NUDCD3: variants seen among roughly 807,000 people sequenced by gnomAD.
The protein encoded by NUDCD3 is NudC domain containing 3.
In NUDCD3, 13 loss-of-function variants were observed where a neutral mutation model predicts 39.7. That is an observed-to-expected ratio of 0.33 (90% CI 0.21 to 0.52). The LOEUF is 0.52. Among genes scored for constraint, NUDCD3 ranks in the 20% least tolerant of loss-of-function variants. The probability of loss-of-function intolerance (pLI) is 0.96; values close to 1 mark genes in which losing one functional copy is unlikely to be tolerated. For synonymous variants in NUDCD3, 175 were observed against 172.4 expected (o/e 1.02, Z -0.12); for missense variants, 453 against 458.1 (o/e 0.99, Z 0.10).
chr7:44,449,430 G>C (rs1486363275), intron 2 of NUDCD3, among the ~76,000 whole-genome samples: 1 of 152,190 alleles, frequency 6.6e-6, no homozygotes, highest in South Asian at 2.1e-4. Flanking sequence ...TCAAACTGCT[G>C]ATGTCAGCTC....
chr7:44,390,146 T>C (rs1798485007), intron 5 of NUDCD3, among the ~76,000 whole-genome samples: 1 of 151,920 alleles, frequency 6.6e-6, no homozygotes, highest in Non-Finnish European at 1.5e-5. Context: ...AGGTGGATCA[T>C]CTGAGGTCAG....
intron 3 of NUDCD3, among the ~76,000 whole-genome samples, chr7:44,411,809 A>C (rs182316729): frequency 1.2e-3 from 177 of 152,374 alleles, no homozygotes; most frequent in African/African-American, 4.1e-3. Flanking sequence ...CCTAGTGGTG[A>C]AGACAGAAAA....
At chr7:44,448,641 A>G (rs1459603513) in intron 2 of NUDCD3, among the ~76,000 whole-genome samples, 1 of 152,112 alleles carries the variant, frequency 6.6e-6, no homozygotes, top group African/African-American at 2.4e-5. Flanking sequence ...AAGCTGAGTG[A>G]CACCTTCCTG....
At chr7:44,450,036 A>G (rs1251915581) in intron 2 of NUDCD3, among the ~76,000 whole-genome samples, 1 of 152,178 alleles carries the variant, frequency 6.6e-6, no homozygotes, top group African/African-American at 2.4e-5. Context: ...AATAATAAGA[A>G]AACAACCCAA....
At chr7:44,440,562 G>A (rs924827658) in intron 2 of NUDCD3, among the ~76,000 whole-genome samples, 4 of 130,656 alleles carry the variant, frequency 3.1e-5, no homozygotes, top group East Asian at 2.1e-4. Context: ...TTTTTTTTTC[G>A]ATTTTTCTGG....
chr7:44,419,390 C>A (rs576396212), intron 3 of NUDCD3, among the ~76,000 whole-genome samples: 4 of 152,180 alleles, frequency 2.6e-5, no homozygotes, highest in African/African-American at 9.7e-5. Flanking sequence ...GGAGAAGGGA[C>A]GGCTGTGGGC....
At chr7:44,400,124 G>A (rs1251557974) in intron 4 of NUDCD3, among the ~76,000 whole-genome samples, 1 of 152,236 alleles carries the variant, frequency 6.6e-6, no homozygotes, top group South Asian at 2.1e-4. Context: ...AGGATGGTGC[G>A]CATGCCAACT....
intron 2 of NUDCD3, among the ~76,000 whole-genome samples, chr7:44,469,350 T>C (rs1054420501): frequency 1.3e-5 from 2 of 152,156 alleles, no homozygotes; most frequent in Admixed American, 6.5e-5. Flanking sequence ...TGCCCAATTC[T>C]AGAAACACAA....
intron 2 of NUDCD3, among the ~76,000 whole-genome samples, chr7:44,452,216 G>T (rs1246479355): frequency 6.6e-6 from 1 of 152,240 alleles, no homozygotes; most frequent in African/African-American, 2.4e-5. Flanking sequence ...GCCAAGGCAG[G>T]ATGATCGCTT....
At chr7:44,436,599 T>C (rs892629877) in intron 2 of NUDCD3, among the ~76,000 whole-genome samples, 1 of 152,218 alleles carries the variant, frequency 6.6e-6, no homozygotes, top group Non-Finnish European at 1.5e-5. Context: ...TCAGACTTTA[T>C]ACAATCTTGC....
At chr7:44,434,608 C>T (rs1013048899) in intron 2 of NUDCD3, among the ~76,000 whole-genome samples, 2 of 152,230 alleles carry the variant, frequency 1.3e-5, no homozygotes, top group Non-Finnish European at 2.9e-5. Flanking sequence ...CCACCTCAGC[C>T]AGACACACAA....
intron 3 of NUDCD3, among the ~76,000 whole-genome samples, chr7:44,405,327 G>A (rs1798799467): frequency 6.6e-6 from 1 of 152,186 alleles, no homozygotes; most frequent in Non-Finnish European, 1.5e-5. Flanking sequence ...ACCTATCCCT[G>A]CCCCACCACT....
intron 2 of NUDCD3, among the ~76,000 whole-genome samples, chr7:44,450,208 C>T (rs962356875): frequency 6.6e-6 from 1 of 150,402 alleles, no homozygotes; most frequent in African/African-American, 2.4e-5. Flanking sequence ...CACAGAGTCT[C>T]GCTTTATCGC....
At chr7:44,387,815 C>T (rs1798427583) in intron 5 of NUDCD3, among the ~76,000 whole-genome samples, 1 of 152,184 alleles carries the variant, frequency 6.6e-6, no homozygotes, top group Non-Finnish European at 1.5e-5. Flanking sequence ...AGCAGGCATT[C>T]CTGTGTGTCA....
chr7:44,415,214 T>C (rs1313408734), intron 3 of NUDCD3, among the ~76,000 whole-genome samples: 1 of 152,220 alleles, frequency 6.6e-6, no homozygotes, highest in African/African-American at 2.4e-5. Flanking sequence ...TTCAAAAGCA[T>C]TCCAATTCTG....
chr7:44,449,398 A>G (rs1482383411), intron 2 of NUDCD3, among the ~76,000 whole-genome samples: 2 of 152,238 alleles, frequency 1.3e-5, no homozygotes, highest in East Asian at 3.8e-4. Flanking sequence ...TGAGAAAGCC[A>G]CTGTATTCAT....
intron 2 of NUDCD3, among the ~76,000 whole-genome samples, chr7:44,473,364 A>T (rs888760561): frequency 5.3e-5 from 8 of 152,252 alleles, no homozygotes; most frequent in African/African-American, 1.9e-4. Flanking sequence ...CTGCTCAACA[A>T]CATGAGCCTG....
At chr7:44,417,700 C>A (rs17131838) in intron 3 of NUDCD3, among the ~76,000 whole-genome samples, 7,910 of 152,262 alleles carry the variant, frequency 0.052, 323 homozygotes, top group African/African-American at 0.11. Context: ...CCCCAAAATT[C>A]TGGATAAACT....
chr7:44,402,173 A>G (rs930204794), intron 4 of NUDCD3, among the ~76,000 whole-genome samples: 1 of 152,244 alleles, frequency 6.6e-6, no homozygotes, highest in Non-Finnish European at 1.5e-5. Flanking sequence ...CCGCTTCGCA[A>G]GCTACTTACC....
Sources: gnomAD v4.1 joint callset for allele counts (sites outside exome capture counted in the v4.1 genomes callset) on GRCh38, gnomAD v4.1.1 for gene constraint, MANE v1.5 for transcripts, NCBI Gene and HGNC (gene_info 2026-07-23, HGNC 2026-07-21) for gene names.